The following NSD2 variants were observed in gnomAD, a reference collection of about 807,000 sequenced individuals.
The protein encoded by NSD2 is histone-lysine N-methyltransferase NSD2.
In NSD2, 12 loss-of-function variants were observed where a neutral mutation model predicts 139.0. That is an observed-to-expected ratio of 0.09 (90% CI 0.06 to 0.14). The LOEUF (loss-of-function observed/expected upper bound fraction) is 0.14, where lower values mean the gene tolerates loss of function less well. NSD2 is among the 10% of genes least tolerant of loss of function. The pLI, the probability that NSD2 is intolerant of heterozygous loss-of-function variation, is 1.00. For missense variants in NSD2, 1,155 were observed against 1,745.0 expected, an observed-to-expected ratio of 0.66 and a Z score of 6.02; for synonymous variants, 669 against 648.7, an observed-to-expected ratio of 1.03 and a Z score of -0.48.
intron 21 of NSD2, among the ~76,000 whole-genome samples, chr4:1,978,046 G>C (rs1333311159): frequency 6.6e-6 from 1 of 151,494 alleles, no homozygotes; most frequent in East Asian, 1.9e-4. Flanking sequence ...AGAATCACTT[G>C]AACCCAAGAG....
rs1723618626 is a variant in NSD2, at chr4:1,946,265, A to G, written c.1882-4807A>G. 3.2e-6 allele frequency: 3 copies of G among 930,212 alleles called. No homozygotes were observed. In the South Asian group the frequency reaches 1.5e-4, roughly 47 times the overall value. 57.6% of individuals were successfully genotyped at this position (930,212 alleles called of 1,614,324 possible). On this transcript the variant is annotated intron_variant, in intron 9 of 21. Coordinates refer to ENST00000508803, the MANE Select transcript of NSD2 (RefSeq NM_001042424.3). ...GGGGTCTTGCATTTATTTATTATTT[A>G]TTTATTTATTTATTTAGAGACAGAG...
intron 7 of NSD2, 34 bp from the exon 8 acceptor site, chr4:1,938,417 T>C (rs1389661756): frequency 2.6e-5 from 5 of 190,450 alleles, no homozygotes; most frequent in South Asian, 9.5e-5. Flanking sequence ...TTTTTCTTTC[T>C]TTTTTTTTTT....
chr4:1,935,161 A>G lies in NSD2; in HGVS notation c.1573A>G (p.Lys525Glu), dbSNP rs376083183. ...EEDSGNVNGK[K>E]RNHTKRIQDP... ...ATTCCAAGGTAATGTAAATGGGAAA[A>G]AAAGAAACCACACAAAGAGGATACA... The change falls in exon 7 of 22, where the codon AAA (lysine) becomes GAA (glutamate). Residue 525 changes from lysine to glutamate, a missense_variant. Lys to Glu is a moderately conservative substitution (Grantham distance 56, BLOSUM62 1). Around this residue, in one of 8 missense-constraint regions of NSD2, gnomAD observed 420 missense variants for 469.0 expected, o/e 0.90. Transcript: ENST00000508803. 1 of 1,611,174 alleles carries G rather than the reference A, an allele frequency of 6.2e-7. No homozygotes were observed. Among genetic ancestry groups the G allele is most frequent in the African/African-American group, 1.3e-5 (1 of 74,670 alleles).
At chr4:1,882,674 A>G (rs981108734) in intron 1 of NSD2, among the ~76,000 whole-genome samples, 3 of 152,052 alleles carry the variant, frequency 2.0e-5, no homozygotes, top group Admixed American at 6.6e-5. Context: ...CAAAAACAAC[A>G]ACAACAACAA....
At chr4:1,916,749 T>G in intron 3 of NSD2, 122 bp from the exon 4 acceptor site, 1 of 870,322 alleles carries the variant, frequency 1.1e-6, no homozygotes, top group East Asian at 2.6e-5. Flanking sequence ...AGTATAGAAT[T>G]TGTTTTGAGG....
chr4:1,918,713 A>C, intron 5 of NSD2, 90 bp downstream of exon 5: 1 of 1,513,656 alleles, frequency 6.6e-7, no homozygotes, highest in East Asian at 2.3e-5. Context: ...CAGCATTATC[A>C]GGAGACTCTA....
chr4:1,881,218 A>T (rs1457880802), intron 1 of NSD2, among the ~76,000 whole-genome samples: 1 of 152,030 alleles, frequency 6.6e-6, no homozygotes, highest in Admixed American at 6.6e-5. Context: ...GCTGGGACAC[A>T]GGCGTGTGCC....
At chr4:1,921,803 A>G (rs910438639) in intron 5 of NSD2, among the ~76,000 whole-genome samples, 1 of 151,684 alleles carries the variant, frequency 6.6e-6, no homozygotes, top group African/African-American at 2.4e-5. Flanking sequence ...AAAAAAAAGA[A>G]TAAGACAGGA....
rs1462677811 is a variant in NSD2, at chr4:1,972,013, A to AGGCTGC, written c.3373-2847_3373-2842dup. Among the ~76,000 whole-genome samples, 1 of 152,174 alleles carries AGGCTGC rather than the reference A, an allele frequency of 6.6e-6. No individual in the cohort carries two copies. The highest frequency in any genetic ancestry group is 1.5e-5 in the Non-Finnish European group (1 of 68,022). ...CGCTCACGCCGCTCCTGTACCCCCA[A>AGGCTGC]GGCTGCGGGTGCTGGGTGATGCAGG... On this transcript the variant is annotated intron_variant, in intron 18 of 21. Coordinates refer to ENST00000508803, the MANE Select transcript of NSD2 (RefSeq NM_001042424.3). The surrounding 1 kb of genome is among the most constrained non-coding windows in gnomAD (Gnocchi z 4.0).
intron 3 of NSD2, among the ~76,000 whole-genome samples, chr4:1,906,654 CTTTTTTTTTT>C (rs537619996): frequency 8.0e-5 from 8 of 99,954 alleles, no homozygotes; most frequent in Admixed American, 3.7e-4. Context: ...CTCTCTCTCT[CTTTTTTTTTT>C]TTTTTTTTTT....
intron 5 of NSD2, among the ~76,000 whole-genome samples, chr4:1,927,196 T>G (rs1370095128): frequency 1.3e-5 from 2 of 152,222 alleles, no homozygotes; most frequent in African/African-American, 4.8e-5. Context: ...GGGGGCTGGC[T>G]TTCTCCAGAG....
chr4:1,967,128 A>C (rs919341475), intron 18 of NSD2, among the ~76,000 whole-genome samples: 2 of 152,252 alleles, frequency 1.3e-5, no homozygotes, highest in African/African-American at 4.8e-5. Flanking sequence ...AAAAAGGATT[A>C]TAAGACAGTA....
chr4:1,893,550 T>G lies in NSD2; in HGVS notation c.-29-7076T>G, dbSNP rs377197653. ...CCTCTTTTTTTGTTTTTTGTTTTTT[T>G]TTTTTTTTTGTTTTGTTTTGAGACA... On this transcript the variant is annotated intron_variant, in intron 1 of 21. Coordinates refer to ENST00000508803, the MANE Select transcript of NSD2 (RefSeq NM_001042424.3). Among the ~76,000 whole-genome samples, 119 of 137,290 alleles carry G rather than the reference T, an allele frequency of 8.7e-4. 1 individual carries two copies. Among genetic ancestry groups the G allele is most frequent in the East Asian group, 5.6e-3 (29 of 5,166 alleles). 90.1% of individuals were successfully genotyped at this position (137,290 alleles called of 152,430 possible). A position where few individuals can be genotyped will look rare whatever the true frequency, so the allele number is the denominator to read the frequency against.
chr4:1,878,296 A>G (rs1022605004), intron 1 of NSD2, among the ~76,000 whole-genome samples: 2 of 92,856 alleles, frequency 2.2e-5, no homozygotes, highest in Non-Finnish European at 4.0e-5. Flanking sequence ...TATTTTTAGT[A>G]GAGACTAGGC....
At chr4:1,947,484 AG>A in intron 9 of NSD2, 2 of 1,058,230 alleles carry the variant, frequency 1.9e-6, no homozygotes, top group South Asian at 9.1e-5. Context: ...AGGGATAGCC[AG>A]GAAGTTTCTA....
At chr4:1,889,190 G>A (rs1026373146) in intron 1 of NSD2, among the ~76,000 whole-genome samples, 5 of 152,078 alleles carry the variant, frequency 3.3e-5, no homozygotes, top group Admixed American at 6.6e-5. Flanking sequence ...GAGCCACTGC[G>A]CCCAGTCGTA....
In NSD2 at chr4:1,914,243, G is replaced by A. The variant is rs368337765; in HGVS notation, c.761-2628G>A. Among the ~76,000 whole-genome samples, 400 of 152,112 alleles carry A rather than the reference G, an allele frequency of 2.6e-3. 3 individuals carry two copies. Among genetic ancestry groups the A allele is most frequent in the African/African-American group, 9.2e-3 (382 of 41,494 alleles). On this transcript the variant is annotated intron_variant, in intron 3 of 21. Coordinates refer to ENST00000508803, the MANE Select transcript of NSD2 (RefSeq NM_001042424.3). ...TTGCTATGTCGGCCAGGCTGGTCTC[G>A]AACTTCTGACCTCAAGTATTCTACC...
chr4:1,976,606 G>C lies in NSD2; in HGVS notation c.3753G>C (p.Leu1251=). ...TCCGCTGCGGTGATGGCGGGCAGCTGGTGCTGTGTGACCGCAAGTTCTGCA... is the reference window on the plus strand; with the variant it reads ...TCCGCTGCGGTGATGGCGGGCAGCTCGTGCTGTGTGACCGCAAGTTCTGCA... The part of the protein sequence containing the change: ...ECFRCGDGGQ[L]VLCDRKFCTK... The change falls in exon 21 of 22, where the codon CTG becomes CTC. Residue 1251 remains leucine (L), a synonymous_variant. Coordinates refer to ENST00000508803, the MANE Select transcript of NSD2 (RefSeq NM_001042424.3). This position sits in a 1 kb window ranked among gnomAD's most constrained non-coding sequence, Gnocchi z 5.3. 6.2e-7 allele frequency: 1 copy of C among 1,610,524 alleles called. No homozygotes were observed. The highest frequency in any genetic ancestry group is 8.5e-7 in the Non-Finnish European group (1 of 1,178,442).
chr4:1,963,526 T>C (rs765159838), intron 18 of NSD2, among the ~76,000 whole-genome samples: 2 of 152,214 alleles, frequency 1.3e-5, no homozygotes, highest in Admixed American at 1.3e-4. Context: ...AAACTACTTA[T>C]GTGCTGTAAG....
Sources: allele counts gnomAD v4.1 joint callset (sites outside exome capture counted in the v4.1 genomes callset), GRCh38; gene constraint gnomAD v4.1.1; regional missense constraint gnomAD v4.1.1; non-coding constraint Gnocchi (gnomAD v3.1); transcripts MANE v1.5; gene names NCBI Gene and HGNC (gene_info 2026-07-23, HGNC 2026-07-21).